The following CHAMP1 variants were observed in gnomAD, a reference collection of about 807,000 sequenced individuals.
The protein encoded by CHAMP1 is chromosome alignment-maintaining phosphoprotein 1.
In CHAMP1, 4 loss-of-function variants were observed where a neutral mutation model predicts 54.5. The ratio of observed to expected loss-of-function variants is 0.07; its 90% CI spans 0.04 to 0.17. The LOEUF is 0.17. CHAMP1 is among the 10% of genes least tolerant of loss of function. CHAMP1 has a pLI of 1.00. For missense variants in CHAMP1, 994 were observed against 968.6 expected, an observed-to-expected ratio of 1.03 and a Z score of -0.35; for synonymous variants, 368 against 342.2, an observed-to-expected ratio of 1.08 and a Z score of -0.83.
chr13:114,318,857 CTTTTTTT>C (rs56669844), intron 1 of CHAMP1, among the ~76,000 whole-genome samples: 3 of 24,192 alleles, frequency 1.2e-4, no homozygotes, highest in African/African-American at 5.1e-4. Context: ...TCCTGGTTGC[CTTTTTTT>C]TTTTTTTTTT....
chr13:114,324,228 C>A lies in CHAMP1; in HGVS notation c.386C>A (p.Ala129Asp). ...CNSAEPKSIP[A>D]LSMETQKLGS... ...TCAGCAGAACCAAAATCCATACCTG[C>A]CCTTTCAATGGAAACACAGAAACTT... The change falls in exon 3 of 3, where the codon GCC becomes GAC. Residue 129 changes from alanine (A) to aspartate (D), a missense_variant. Transcript: ENST00000361283. The A allele has an allele frequency of 6.2e-7, 1 of 1,614,156 alleles. No homozygotes were observed. Among genetic ancestry groups the A allele is most frequent in the Non-Finnish European group, 8.5e-7 (1 of 1,180,030 alleles).
intron 1 of CHAMP1, among the ~76,000 whole-genome samples, chr13:114,318,282 G>A (rs368089548): frequency 4.9e-4 from 75 of 151,650 alleles, no homozygotes; most frequent in African/African-American, 1.7e-3. Context: ...CAAGACCTCT[G>A]AAGATCCTTC....
rs1157100997 is a variant in CHAMP1 at position 114,327,003 on chromosome 13, C to A, written c.*722C>A. 1.1e-5 allele frequency: 1 copy of A among 94,642 alleles called. No homozygotes were observed. Among genetic ancestry groups the A allele is most frequent in the Non-Finnish European group, 2.3e-5 (1 of 43,176 alleles). 5.9% of individuals were successfully genotyped at this position (94,642 alleles called of 1,614,324 possible). On this transcript the variant is annotated 3_prime_UTR_variant, in exon 3 of 3. Transcript: ENST00000361283. Reference sequence around the variant, plus strand: ...TAAGATCTGGTTCTTCCCTCCCCATCCCCACCCCCCACCCACCGCCTGCCA... The same window carrying A: ...TAAGATCTGGTTCTTCCCTCCCCATACCCACCCCCCACCCACCGCCTGCCA...
chr13:114,322,759 C>T (rs1156427833), intron 2 of CHAMP1: 2 of 152,132 alleles, frequency 1.3e-5, no homozygotes, highest in Non-Finnish European at 2.9e-5. Context: ...GAGTAAGTTG[C>T]CAGATAATAT....
Position 114,324,096 on chromosome 13 carries a change from A to T in CHAMP1, c.254A>T (p.His85Leu). 1.2e-6 allele frequency: 2 copies of T among 1,614,240 alleles called. No homozygotes were observed. The highest frequency in any genetic ancestry group is 1.7e-6 in the Non-Finnish European group (2 of 1,180,030). The part of the protein sequence containing the change: ...SNVYYHITSK[H>L]ASPDKWNDKP... ...GTATACTATCACATCACATCCAAAC[A>T]TGCATCCCCAGACAAATGGAATGAT... The change falls in exon 3 of 3, where the codon CAT (histidine) becomes CTT (leucine). Residue 85 changes from histidine to leucine, a missense_variant. By Grantham distance (99) the His-to-Leu change is moderately conservative (BLOSUM62 -3). Coordinates refer to ENST00000361283, the MANE Select transcript of CHAMP1 (RefSeq NM_032436.4).
At chr13:114,320,752 C>G (rs919093434) in intron 1 of CHAMP1, among the ~76,000 whole-genome samples, 2 of 151,906 alleles carry the variant, frequency 1.3e-5, no homozygotes, top group Non-Finnish European at 2.9e-5. Context: ...GTCAGGAGAT[C>G]GAGACCATCC....
chr13:114,320,536 G>A (rs1456570476), intron 1 of CHAMP1, among the ~76,000 whole-genome samples: 1 of 152,208 alleles, frequency 6.6e-6, no homozygotes, highest in Admixed American at 6.5e-5. Context: ...GTGAAGTTAG[G>A]TGGTGGGTTT....
chr13:114,314,556 C>T lies in CHAMP1; in HGVS notation c.-266C>T, dbSNP rs532344630. 1.3e-5 allele frequency: 2 copies of T among 151,906 alleles called. No homozygotes were observed. Among genetic ancestry groups the T allele is most frequent in the East Asian group, 1.9e-4 (1 of 5,160 alleles). The allele number at this position is 151,906 out of a possible 1,614,324, so 9.4% of individuals were successfully genotyped here. ...AGTCGCCATTCGGGAGGCCGCTGCG[C>T]TGCAGGGCCTCGCGGAGCCGCCCGC... On this transcript the variant is annotated 5_prime_UTR_variant, in exon 1 of 3. Coordinates refer to ENST00000361283, the MANE Select transcript of CHAMP1 (RefSeq NM_032436.4).
chr13:114,326,230 TA>T lies in CHAMP1; in HGVS notation c.2393del (p.Lys798SerfsTer2). 1 of 1,588,330 alleles carries T rather than the reference TA, an allele frequency of 6.3e-7. No individual in the cohort carries two copies. Among genetic ancestry groups the T allele is most frequent in the Non-Finnish European group, 8.6e-7 (1 of 1,165,520 alleles). On this transcript the variant is annotated frameshift_variant, in exon 3 of 3. Coordinates refer to ENST00000361283, the MANE Select transcript of CHAMP1 (RefSeq NM_032436.4). LOFTEE classifies it high-confidence loss of function. ...AAAGCCGGCATAATGAAGAGGCAAA[TA>T]AAAAGCTAATGGAAGCTCTTGAACC... ...CQSRHNEEAN[K>X]KLMEALEPPL...
intron 1 of CHAMP1, 113 bp from the exon 2 acceptor site, chr13:114,320,997 C>T (rs943145348): frequency 6.7e-6 from 1 of 150,362 alleles, no homozygotes; most frequent in African/African-American, 2.4e-5. Context: ...CTGGACTCCT[C>T]TCACTGTTAG....
rs1555379376 is a variant in CHAMP1, at chr13:114,324,186, A to G, written c.344A>G (p.Gln115Arg). The G allele has an allele frequency of 2.5e-6, 4 of 1,614,202 alleles. No individual in the cohort carries two copies. The highest frequency in any genetic ancestry group is 2.2e-5 in the East Asian group (1 of 44,888). Residue 115 changes from glutamine to arginine, a missense_variant, in exon 3 of 3, where the codon CAG (glutamine) becomes CGG (arginine). Around this residue, in one of 3 missense-constraint regions of CHAMP1, gnomAD observed 851 missense variants for 701.3 expected, o/e 1.21. Coordinates refer to ENST00000361283, the MANE Select transcript of CHAMP1 (RefSeq NM_032436.4). ...PVKSPPLPEH[Q>R]KIPCNSAEPK... The stretch of plus-strand genomic sequence containing the variant: ...AAAAGCCCTCCTCTTCCTGAACACC[A>G]GAAAATACCCTGCAATTCAGCAGAA...
chr13:114,324,805 G>T lies in CHAMP1; in HGVS notation c.963G>T (p.Arg321Ser). The T allele has an allele frequency of 6.2e-7, 1 of 1,614,046 alleles. No individual in the cohort carries two copies. Among genetic ancestry groups the T allele is most frequent in the African/African-American group, 1.3e-5 (1 of 75,010 alleles). ...SWKPGPPGSP[R>S]PWKSNPSASS... ...AACCAGGGCCACCTGGGTCCCCTAG[G>T]CCTTGGAAATCCAATCCTTCAGCAT... Residue 321 changes from arginine to serine, a missense_variant, in exon 3 of 3, where the codon AGG (arginine) becomes AGT (serine). Around this residue, in one of 3 missense-constraint regions of CHAMP1, gnomAD observed 851 missense variants for 701.3 expected, o/e 1.21. Transcript: ENST00000361283.
In CHAMP1 at chr13:114,325,617, G is replaced by C. The variant is rs781834068; in HGVS notation, c.1775G>C (p.Cys592Ser). 3 of 1,614,190 alleles carry C rather than the reference G, an allele frequency of 1.9e-6. No individual in the cohort carries two copies. In the South Asian group the frequency reaches 3.3e-5, roughly 18 times the overall value. ...ATAGATGCCATAGATGATCAAAAAT[G>C]TGATATTTTGGTTCAGGAAGAACTT... ...LQIDAIDDQK[C>S]DILVQEELLA... Residue 592 changes from cysteine (C) to serine (S), a missense_variant, in exon 3 of 3, where the codon TGT (cysteine) becomes TCT (serine). Cys to Ser is a moderately radical substitution (Grantham distance 112). Transcript: ENST00000361283.
chr13:114,322,868 G>A (rs2087191760), intron 2 of CHAMP1: 1 of 152,208 alleles, frequency 6.6e-6, no homozygotes, highest in South Asian at 2.1e-4. Context: ...CCTAGGGACT[G>A]ACACTCTGTA....
At chr13:114,320,396 T>C (rs1299957018) in intron 1 of CHAMP1, among the ~76,000 whole-genome samples, 2 of 152,104 alleles carry the variant, frequency 1.3e-5, no homozygotes, top group African/African-American at 4.8e-5. Context: ...TGGTCCTCTT[T>C]GTTGTGGTGT....
intron 2 of CHAMP1, chr13:114,322,427 C>G (rs782416296): frequency 1.7e-4 from 26 of 152,122 alleles, no homozygotes; most frequent in Non-Finnish European, 3.7e-4. Context: ...GAGTAAATAT[C>G]ATTACCGTCA....
chr13:114,320,771 A>C (rs1167614610), intron 1 of CHAMP1, among the ~76,000 whole-genome samples: 1 of 152,098 alleles, frequency 6.6e-6, no homozygotes, highest in Admixed American at 6.5e-5. Context: ...CCTGGCTAAC[A>C]CGGTGAAACC....
intron 1 of CHAMP1, among the ~76,000 whole-genome samples, chr13:114,318,851 G>A (rs1222366425): frequency 1.3e-5 from 1 of 76,500 alleles, no homozygotes; most frequent in African/African-American, 4.9e-5. Flanking sequence ...CTGCCATCCT[G>A]GTTGCCTTTT....
intron 1 of CHAMP1, among the ~76,000 whole-genome samples, chr13:114,320,796 A>G (rs943092055): frequency 6.6e-6 from 1 of 152,092 alleles, no homozygotes; most frequent in African/African-American, 2.4e-5. Flanking sequence ...CTCTACTAAA[A>G]ATACAAAAAA....
Sources: gnomAD v4.1 joint callset for allele counts (sites outside exome capture counted in the v4.1 genomes callset) on GRCh38, gnomAD v4.1.1 for gene constraint, gnomAD v4.1.1 regional missense constraint, MANE v1.5 for transcripts, NCBI Gene and HGNC (gene_info 2026-07-23, HGNC 2026-07-21) for gene names.